Variants in TPGS2 observed in about 807,000 individuals in gnomAD.
The protein encoded by TPGS2 is polyglutamylase subunit 2.
A neutral mutation model predicts 31.1 loss-of-function variants in TPGS2; 26 were observed. That is an observed-to-expected ratio of 0.84 (90% CI 0.61 to 1.16). TPGS2 has a LOEUF of 1.16. TPGS2 is among the 50% of genes most tolerant of loss of function. The pLI, the probability that TPGS2 is intolerant of heterozygous loss-of-function variation, is 0.00. For synonymous variants in TPGS2, 130 were observed against 136.6 expected (o/e 0.95, Z 0.34); for missense variants, 351 against 363.8 (o/e 0.96, Z 0.29).
At position 36,794,473 on chromosome 18, in the gene TPGS2, T is replaced by C; in HGVS notation, c.*2332A>G. 1 of 985,506 alleles carries C rather than the reference T, an allele frequency of 1.0e-6. No individual in the cohort carries two copies. Among genetic ancestry groups the C allele is most frequent in the East Asian group, 1.1e-4 (1 of 8,810 alleles). The allele number at this position is 985,506 out of a possible 1,614,324, so 61.0% of individuals were successfully genotyped here. ...CTGCTTCACTTGTGGAATCCAGGGC[T>C]GATTTAGAAATGCTGTGATTCGGGG... On this transcript the variant is annotated 3_prime_UTR_variant, in exon 7 of 7. Coordinates refer to ENST00000334295, the MANE Select transcript of TPGS2 (RefSeq NM_015476.4).
At chr18:36,827,594 A>G (rs552245716) in intron 1 of TPGS2, among the ~76,000 whole-genome samples, 1 of 152,368 alleles carries the variant, frequency 6.6e-6, no homozygotes, top group East Asian at 1.9e-4. Context: ...CTTGTGGGTC[A>G]TGGTACAGAC....
intron 4 of TPGS2, 46 bp downstream of exon 4, chr18:36,805,328 G>A (rs1474812908): frequency 1.2e-6 from 2 of 1,606,894 alleles, no homozygotes; most frequent in Admixed American, 3.3e-5. Context: ...GCCAGGCATG[G>A]AGCTGGATGC....
At chr18:36,814,938 G>T (rs376772114) in intron 2 of TPGS2, among the ~76,000 whole-genome samples, 2 of 152,222 alleles carry the variant, frequency 1.3e-5, no homozygotes, top group African/African-American at 4.8e-5. Context: ...GTCTGCAGGG[G>T]ATCTCTATTT....
Position 36,796,368 on chromosome 18 carries a change from T to C in TPGS2, c.*437A>G, listed in dbSNP as rs180864631. The C allele has an allele frequency of 1.8e-5, 18 of 979,766 alleles. No homozygotes were observed. The highest frequency in any genetic ancestry group is 4.7e-5 in the South Asian group (1 of 21,138). The allele number at this position is 979,766 out of a possible 1,614,324, so 60.7% of individuals were successfully genotyped here. On this transcript the variant is annotated 3_prime_UTR_variant, in exon 7 of 7. Transcript: ENST00000334295. ...AATACTCAAAATGTGGCTAATGCAA[T>C]TGAAGAAATGAATTTTTCATACAAT... is the stretch of plus-strand genomic sequence containing the variant.
At chr18:36,802,858 C>A (rs2150583853) in intron 4 of TPGS2, among the ~76,000 whole-genome samples, 1 of 152,260 alleles carries the variant, frequency 6.6e-6, no homozygotes, top group East Asian at 1.9e-4. Flanking sequence ...GATCTCCTGA[C>A]CTCATGATTC....
chr18:36,818,975 T>C lies in TPGS2; in HGVS notation c.86-2A>G, dbSNP rs2045780863. On this transcript the variant is annotated splice_acceptor_variant, in intron 1 of 6. Coordinates refer to ENST00000334295, the MANE Select transcript of TPGS2 (RefSeq NM_015476.4). LOFTEE classifies it high-confidence loss of function. ...CCTCAGTCACACCTGGGGAAGATTC[T>C]GGAAGAGAAAAAAGAGTCTGTAGAG... 2 of 1,611,594 alleles carry C rather than the reference T, an allele frequency of 1.2e-6. No homozygotes were observed. The highest frequency in any genetic ancestry group is 1.7e-6 in the Non-Finnish European group (2 of 1,178,902).
intron 2 of TPGS2, among the ~76,000 whole-genome samples, chr18:36,812,246 A>G (rs1319934673): frequency 2.6e-5 from 4 of 152,170 alleles, no homozygotes; most frequent in African/African-American, 4.8e-5. Context: ...TTTGTGTGCT[A>G]AAGAGTTGAC....
chr18:36,792,768 G>T (rs2044360244), downstream of TPGS2, among the ~76,000 whole-genome samples: 1 of 152,174 alleles, frequency 6.6e-6, no homozygotes, highest in Non-Finnish European at 1.5e-5. Flanking sequence ...TCAGGTGCAG[G>T]CTGCCCCTTT....
chr18:36,814,105 T>C (rs1274364982), intron 2 of TPGS2, among the ~76,000 whole-genome samples: 1 of 152,248 alleles, frequency 6.6e-6, no homozygotes, highest in Non-Finnish European at 1.5e-5. Flanking sequence ...TGAATTTTTA[T>C]CTGGGGATTG....
intron 2 of TPGS2, among the ~76,000 whole-genome samples, chr18:36,809,962 A>AT (rs1267297307): frequency 5.9e-5 from 9 of 152,150 alleles, no homozygotes; most frequent in African/African-American, 1.9e-4. Context: ...TTATACCAAT[A>AT]TTTTTTACAA....
In TPGS2 at chr18:36,805,473, T is replaced by C. The variant is rs758411280; in HGVS notation, c.283A>G (p.Ile95Val). ...EHIIPLGSMAINSISKLTQLT... is the reference protein window; with the variant it reads ...EHIIPLGSMAVNSISKLTQLT... ...TGAGTCAGTTTTGAGATGCTGTTAA[T>C]TGCCATGCTTCCCAGTGGAATGATG... The change falls in exon 4 of 7, where the codon ATT becomes GTT. Residue 95 changes from isoleucine to valine, a missense_variant. Physicochemically the swap from Ile to Val is conservative, Grantham distance 29. Transcript: ENST00000334295. 1.2e-6 allele frequency: 2 copies of C among 1,613,970 alleles called. No homozygotes were observed. The highest frequency in any genetic ancestry group is 1.7e-6 in the Non-Finnish European group (2 of 1,179,974).
At chr18:36,823,460 G>GTTTTTTTTT (rs919277214) in intron 1 of TPGS2, among the ~76,000 whole-genome samples, 1,422 of 107,988 alleles carry the variant, frequency 0.013, 119 homozygotes, top group African/African-American at 0.044. Context: ...TTAACAGCTT[G>GTTTTTTTTT]TTTTTTTTTT....
intron 6 of TPGS2, among the ~76,000 whole-genome samples, chr18:36,784,272 CTG>C (rs1207338508): frequency 2.0e-5 from 3 of 152,236 alleles, no homozygotes; most frequent in African/African-American, 7.2e-5. Context: ...ATGGAGGTAA[CTG>C]TGCGCCAGGC....
At chr18:36,799,719 A>C (rs983940320) in intron 5 of TPGS2, among the ~76,000 whole-genome samples, 1 of 152,110 alleles carries the variant, frequency 6.6e-6, no homozygotes, top group African/African-American at 2.4e-5. Flanking sequence ...CACAGTCCCT[A>C]GGCTGGGGTC....
intron 2 of TPGS2, among the ~76,000 whole-genome samples, chr18:36,809,837 G>C (rs1185184809): frequency 1.3e-5 from 2 of 152,034 alleles, no homozygotes; most frequent in Non-Finnish European, 2.9e-5. Flanking sequence ...GAGGGCAGGT[G>C]GACTATTTGG....
chr18:36,800,420 A>C, intron 4 of TPGS2, 109 bp from the exon 5 acceptor site: 1 of 848,948 alleles, frequency 1.2e-6, no homozygotes, highest in Non-Finnish European at 2.0e-6. Flanking sequence ...GCCTTATCTC[A>C]GACATATACT....
chr18:36,792,724 C>T (rs562145339), downstream of TPGS2, among the ~76,000 whole-genome samples: 8 of 152,256 alleles, frequency 5.3e-5, no homozygotes, highest in South Asian at 1.7e-3. Context: ...GGCATTGGTG[C>T]ATGTCAGCTT....
chr18:36,798,649 C>CTTAACAGTTTTTTCTTT (rs1305417434), intron 5 of TPGS2, 40 bp from the exon 6 acceptor site: 7 of 1,590,788 alleles, frequency 4.4e-6, no homozygotes, highest in Non-Finnish European at 6.0e-6. Context: ...TAAAGAATAG[C>CTTAACAGTTTTTTCTTT]TTAACAGTTT....
chr18:36,782,838 C>T (rs1231778162), downstream of TPGS2: 3 of 361,628 alleles, frequency 8.3e-6, no homozygotes, highest in Non-Finnish European at 1.5e-5. Flanking sequence ...ATGAAATGAA[C>T]GTTTGAAAAA....
Sources: gnomAD v4.1 joint callset for allele counts (sites outside exome capture counted in the v4.1 genomes callset) on GRCh38, gnomAD v4.1.1 for gene constraint, MANE v1.5 for transcripts, NCBI Gene and HGNC (gene_info 2026-07-23, HGNC 2026-07-21) for gene names.